The following CNGB3 variants were observed in gnomAD, a reference collection of about 807,000 sequenced individuals.
CNGB3 encodes cyclic nucleotide gated channel subunit beta 3.
A neutral mutation model predicts 92.8 loss-of-function variants in CNGB3; 86 were observed. That is an observed-to-expected ratio of 0.93 (90% confidence interval 0.78 to 1.11). CNGB3 has a LOEUF of 1.11. Ranked by LOEUF, CNGB3 falls within the 50% of genes least tolerant of loss-of-function variation. The probability of loss-of-function intolerance (pLI) is 0.00; values close to 1 mark genes in which losing one functional copy is unlikely to be tolerated. For synonymous variants in CNGB3, 333 were observed against 332.7 expected (o/e 1.00, Z -0.01); for missense variants, 1,026 against 956.8 (o/e 1.07, Z -0.95).
At chr8:86,738,596 T>A (rs1044393389) in intron 2 of CNGB3, among the ~76,000 whole-genome samples, 48 of 152,172 alleles carry the variant, frequency 3.2e-4, no homozygotes, top group Non-Finnish European at 2.6e-4. Context: ...TCCCAGCACT[T>A]TGGGAGGCCA....
At chr8:86,649,948 A>G (rs998282125) in intron 7 of CNGB3, among the ~76,000 whole-genome samples, 1 of 151,694 alleles carries the variant, frequency 6.6e-6, no homozygotes, top group African/African-American at 2.4e-5. Flanking sequence ...CAAATCAGCA[A>G]GAAAAAAACA....
Position 86,718,499 on chromosome 8 carries a change from C to T in CNGB3, c.338+8032G>A, listed in dbSNP as rs552630833. 9.9e-5 allele frequency among the ~76,000 whole-genome samples: 15 copies of T among 152,024 alleles called. No homozygotes were observed. The South Asian group carries it at 3.1e-3, about 32-fold the overall frequency. On this transcript the variant is annotated intron_variant, in intron 3 of 17. Coordinates refer to ENST00000320005, the MANE Select transcript of CNGB3 (RefSeq NM_019098.5). ...ATAGAAACTCTGAACAGACCAATAA[C>T]AAGCAGTGAGTTTAAAATGGTAATA...
chr8:86,587,513 T>A (rs1452988565), intron 15 of CNGB3, among the ~76,000 whole-genome samples: 1 of 152,220 alleles, frequency 6.6e-6, no homozygotes, highest in Non-Finnish European at 1.5e-5. Context: ...TTGATTTTTA[T>A]ATAAGGTGTA....
chr8:86,741,695 G>A (rs13257284), intron 1 of CNGB3, among the ~76,000 whole-genome samples: 31,187 of 151,980 alleles, frequency 0.21, 3,605 homozygotes, highest in South Asian at 0.31. Context: ...AATCTAATGT[G>A]ATGCCAGTAG....
chr8:86,598,179 A>G (rs938142980), intron 15 of CNGB3, among the ~76,000 whole-genome samples: 2 of 152,130 alleles, frequency 1.3e-5, no homozygotes, highest in East Asian at 3.9e-4. Context: ...GGGCAGTGAT[A>G]TGATCAGATC....
At chr8:86,689,528 TTTA>T (rs1824262425) in intron 3 of CNGB3, among the ~76,000 whole-genome samples, 2 of 150,628 alleles carry the variant, frequency 1.3e-5, no homozygotes, top group Non-Finnish European at 3.0e-5. Flanking sequence ...ACTTTTTATT[TTTA>T]TTATTTCTTT....
At chr8:86,713,683 T>C (rs1468868872) in intron 3 of CNGB3, among the ~76,000 whole-genome samples, 1 of 152,196 alleles carries the variant, frequency 6.6e-6, no homozygotes, top group Non-Finnish European at 1.5e-5. Context: ...ATATTAAAAC[T>C]ATATAAGTTT....
chr8:86,575,312 A>C lies in CNGB3; in HGVS notation c.*492T>G, dbSNP rs1366635287. ...GATATTACAGTGACTCATCATCCTC[A>C]TTTGAATGAAAATAATCTGATTTTT... On this transcript the variant is annotated 3_prime_UTR_variant, in exon 18 of 18. Transcript: ENST00000320005. The C allele has an allele frequency of 6.6e-6, 1 of 152,448 alleles. No homozygotes were observed. The highest frequency in any genetic ancestry group is 1.9e-4 in the East Asian group (1 of 5,198). The allele number at this position is 152,448 out of a possible 1,614,324, so 9.4% of individuals were successfully genotyped here.
intron 15 of CNGB3, among the ~76,000 whole-genome samples, chr8:86,600,874 C>T (rs574515181): frequency 1.9e-4 from 27 of 145,770 alleles, no homozygotes; most frequent in Middle Eastern, 3.7e-3. Flanking sequence ...TTGTGATCTA[C>T]CCGCCTCAGC....
intron 10 of CNGB3, among the ~76,000 whole-genome samples, chr8:86,633,114 A>C (rs1215646839): frequency 1.3e-5 from 2 of 152,196 alleles, no homozygotes; most frequent in Non-Finnish European, 2.9e-5. Context: ...ACTAGCCGTT[A>C]CCAAAATTTG....
At chr8:86,629,123 A>C in intron 11 of CNGB3, 45 bp from the exon 12 acceptor site, 1 of 1,601,616 alleles carries the variant, frequency 6.2e-7, no homozygotes, top group Non-Finnish European at 8.6e-7. Context: ...AGAGGAAATG[A>C]GTTAATAAAA....
intron 14 of CNGB3, among the ~76,000 whole-genome samples, chr8:86,604,647 G>A (rs1424301892): frequency 1.3e-5 from 2 of 152,118 alleles, no homozygotes; most frequent in Non-Finnish European, 2.9e-5. Flanking sequence ...TGGCATTGAG[G>A]TCTGATTTGG....
In CNGB3 at chr8:86,641,253, C is replaced by G. The variant is rs116183236; in HGVS notation, c.1178+2498G>C. On this transcript the variant is annotated intron_variant, in intron 10 of 17. Coordinates refer to ENST00000320005, the MANE Select transcript of CNGB3 (RefSeq NM_019098.5). ...CCCTCAATTCTGGGAATTGCCTACCCCTTTCCCTGAAAATTCATGAATAAT... is the reference window on the plus strand; with the variant it reads ...CCCTCAATTCTGGGAATTGCCTACCGCTTTCCCTGAAAATTCATGAATAAT... Among the ~76,000 whole-genome samples the G allele has an allele frequency of 9.2e-3, 1,393 of 152,096 alleles. 18 individuals are homozygous for G. Among genetic ancestry groups the G allele is most frequent in the African/African-American group, 0.032 (1,318 of 41,542 alleles).
chr8:86,595,866 A>G (rs192809321), intron 15 of CNGB3, among the ~76,000 whole-genome samples: 66 of 152,366 alleles, frequency 4.3e-4, no homozygotes, highest in African/African-American at 1.6e-3. Flanking sequence ...TGATTTGTCA[A>G]AATATTTCGC....
chr8:86,720,205 C>G (rs562402444), intron 3 of CNGB3, among the ~76,000 whole-genome samples: 1 of 152,146 alleles, frequency 6.6e-6, no homozygotes, highest in Non-Finnish European at 1.5e-5. Context: ...GCAGAGTTAA[C>G]AGACAACCCA....
At chr8:86,613,945 T>G (rs935653693) in intron 13 of CNGB3, among the ~76,000 whole-genome samples, 44 of 147,710 alleles carry the variant, frequency 3.0e-4, no homozygotes, top group Non-Finnish European at 5.4e-4. Flanking sequence ...AAAATATATA[T>G]TATAAAAATT....
chr8:86,617,921 T>C (rs1474781957), intron 13 of CNGB3, among the ~76,000 whole-genome samples: 1 of 152,288 alleles, frequency 6.6e-6, no homozygotes. Flanking sequence ...TATTTATTAT[T>C]ACATTGTAAT....
At chr8:86,707,562 G>T (rs541952260) in intron 3 of CNGB3, 2 of 152,568 alleles carry the variant, frequency 1.3e-5, no homozygotes, top group African/African-American at 4.8e-5. Flanking sequence ...GGCAGTGGGG[G>T]GTTAGCAAGT....
intron 8 of CNGB3, among the ~76,000 whole-genome samples, chr8:86,645,569 G>C (rs987053322): frequency 1.3e-5 from 2 of 151,252 alleles, no homozygotes; most frequent in African/African-American, 4.8e-5. Flanking sequence ...ACAGATAGAA[G>C]GGACTGCAGA....
Sources: allele counts gnomAD v4.1 joint callset (sites outside exome capture counted in the v4.1 genomes callset), GRCh38; gene constraint gnomAD v4.1.1; transcripts MANE v1.5; gene names NCBI Gene and HGNC (gene_info 2026-07-23, HGNC 2026-07-21).